PLXDC2: variants seen among roughly 807,000 people sequenced by gnomAD.
PLXDC2 encodes the protein plexin domain-containing protein 2.
PLXDC2 carries 40 observed loss-of-function variants against 68.9 expected under a neutral mutation model. The observed-to-expected ratio is 0.58, with a 90% CI of 0.45 to 0.76. The LOEUF is 0.76. PLXDC2 is among the 30% of genes least tolerant of loss of function. The pLI is 0.00. For synonymous variants in PLXDC2, 243 were observed against 234.2 expected (o/e 1.04, Z -0.34); for missense variants, 644 against 661.9 (o/e 0.97, Z 0.30).
chr10:20,140,787 A>G (rs936592141), intron 4 of PLXDC2, among the ~76,000 whole-genome samples: 1 of 152,166 alleles, frequency 6.6e-6, no homozygotes, highest in Non-Finnish European at 1.5e-5. Context: ...CAATATGACC[A>G]AGAAAAACAA....
At chr10:20,271,205 C>A (rs1835936730) in intron 13 of PLXDC2, among the ~76,000 whole-genome samples, 1 of 150,316 alleles carries the variant, frequency 6.7e-6, no homozygotes, top group African/African-American at 2.5e-5. Context: ...TCCTAGAAAG[C>A]CACAAAACGG....
At chr10:20,151,834 C>A (rs1834156624) in intron 6 of PLXDC2, among the ~76,000 whole-genome samples, 1 of 152,000 alleles carries the variant, frequency 6.6e-6, no homozygotes, top group Non-Finnish European at 1.5e-5. Flanking sequence ...ACGTGTAATT[C>A]TTTCTGTAAT....
intron 1 of PLXDC2, among the ~76,000 whole-genome samples, chr10:19,982,806 C>A (rs931457082): frequency 1.3e-5 from 2 of 151,994 alleles, no homozygotes; most frequent in Non-Finnish European, 2.9e-5. Flanking sequence ...AACTAAATAA[C>A]CTTCATTCTT....
At chr10:20,260,004 C>T (rs1032650286) in intron 13 of PLXDC2, among the ~76,000 whole-genome samples, 15 of 152,244 alleles carry the variant, frequency 9.9e-5, no homozygotes, top group East Asian at 5.8e-4. Context: ...AGAAAACCAT[C>T]GTATATGTCT....
intron 1 of PLXDC2, among the ~76,000 whole-genome samples, chr10:19,958,712 T>A (rs1352077981): frequency 6.6e-6 from 1 of 152,196 alleles, no homozygotes; most frequent in East Asian, 1.9e-4. Context: ...GGGAAGGGAT[T>A]TTGTTTAAAT....
chr10:20,096,946 G>A (rs1235726714), intron 4 of PLXDC2, among the ~76,000 whole-genome samples: 2 of 151,916 alleles, frequency 1.3e-5, no homozygotes. Context: ...CCCTTCTTAA[G>A]TTACTCTGAA....
intron 6 of PLXDC2, among the ~76,000 whole-genome samples, chr10:20,150,340 G>T (rs934501714): frequency 2.6e-5 from 4 of 152,088 alleles, no homozygotes; most frequent in African/African-American, 9.7e-5. Flanking sequence ...GGGATTGCTG[G>T]CCTGAATGTA....
intron 1 of PLXDC2, among the ~76,000 whole-genome samples, chr10:19,841,796 C>T (rs1836912525): frequency 6.6e-6 from 1 of 152,038 alleles, no homozygotes; most frequent in Non-Finnish European, 1.5e-5. Context: ...CAGCATTGCT[C>T]ATTTATATCT....
chr10:20,179,240 C>G (rs1403747273), intron 9 of PLXDC2, among the ~76,000 whole-genome samples: 1 of 152,112 alleles, frequency 6.6e-6, no homozygotes, highest in Admixed American at 6.6e-5. Context: ...CTGGGCAAGC[C>G]GCCATCATTA....
intron 1 of PLXDC2, among the ~76,000 whole-genome samples, chr10:19,879,213 A>G (rs1837685577): frequency 6.6e-6 from 1 of 152,182 alleles, no homozygotes; most frequent in Admixed American, 6.6e-5. Context: ...AACTTCCAAA[A>G]TACCCTAAAG....
chr10:19,918,926 A>T (rs907684157), intron 1 of PLXDC2, among the ~76,000 whole-genome samples: 2 of 152,224 alleles, frequency 1.3e-5, no homozygotes, highest in African/African-American at 4.8e-5. Flanking sequence ...GCATGACTGT[A>T]TTAAGTATAA....
intron 1 of PLXDC2, among the ~76,000 whole-genome samples, chr10:19,985,820 C>T (rs1271445421): frequency 6.6e-6 from 1 of 152,136 alleles, no homozygotes; most frequent in Non-Finnish European, 1.5e-5. Flanking sequence ...TTGCTAAAAC[C>T]CTTCCAGTGA....
At chr10:19,946,565 C>T (rs1001138592) in intron 1 of PLXDC2, among the ~76,000 whole-genome samples, 8 of 151,502 alleles carry the variant, frequency 5.3e-5, no homozygotes, top group Non-Finnish European at 2.9e-5. Context: ...AGTGGGCCTG[C>T]TGTAATCTCC....
At chr10:20,132,760 G>A (rs1447607251) in intron 4 of PLXDC2, among the ~76,000 whole-genome samples, 1 of 64,870 alleles carries the variant, frequency 1.5e-5, no homozygotes, top group East Asian at 4.5e-4. Context: ...AGAACATATA[G>A]TTTGATCTTT....
chr10:20,208,356 C>T (rs905255788), intron 9 of PLXDC2, among the ~76,000 whole-genome samples: 1 of 151,994 alleles, frequency 6.6e-6, no homozygotes, highest in Non-Finnish European at 1.5e-5. Flanking sequence ...AAAGGGGAAA[C>T]CCCATATAAA....
intron 6 of PLXDC2, among the ~76,000 whole-genome samples, chr10:20,162,074 AGGAAGGAAG>A (rs1564338010): frequency 2.1e-4 from 13 of 61,616 alleles, no homozygotes; most frequent in Non-Finnish European, 4.3e-4. Context: ...GAGAGAGAGA[AGGAAGGAAG>A]GAAGGAAGGA....
At chr10:20,193,814 A>G (rs894179162) in intron 9 of PLXDC2, among the ~76,000 whole-genome samples, 1 of 152,080 alleles carries the variant, frequency 6.6e-6, no homozygotes, top group Non-Finnish European at 1.5e-5. Flanking sequence ...CTTTAATAAG[A>G]CATAGAACAT....
chr10:19,981,546 C>T (rs1834549544), intron 1 of PLXDC2, among the ~76,000 whole-genome samples: 1 of 152,164 alleles, frequency 6.6e-6, no homozygotes, highest in Non-Finnish European at 1.5e-5. Context: ...CTCTGGGACT[C>T]ACCCAGACAT....
chr10:19,937,559 T>TATATATATAC (rs1833745987), intron 1 of PLXDC2, among the ~76,000 whole-genome samples: 1 of 86,844 alleles, frequency 1.2e-5, no homozygotes, highest in South Asian at 4.1e-4. Context: ...TATATATATA[T>TATATATATAC]ATATATATAT....
Sources: gnomAD v4.1 joint callset for allele counts (sites outside exome capture counted in the v4.1 genomes callset) on GRCh38, gnomAD v4.1.1 for gene constraint, MANE v1.5 for transcripts, NCBI Gene and HGNC (gene_info 2026-07-23, HGNC 2026-07-21) for gene names.